Variants in BBS9 observed in about 807,000 individuals in gnomAD.
The protein encoded by BBS9 is protein PTHB1.
A neutral mutation model predicts 117.7 loss-of-function variants in BBS9; 89 were observed. That is an observed-to-expected ratio of 0.76 (90% confidence interval 0.64 to 0.90). BBS9 has a LOEUF of 0.90. Among genes scored for constraint, BBS9 ranks in the 40% least tolerant of loss-of-function variants. The pLI is 0.00. For missense variants in BBS9, 982 were observed against 1,042.2 expected, an observed-to-expected ratio of 0.94 and a Z score of 0.80; for synonymous variants, 379 against 370.9, an observed-to-expected ratio of 1.02 and a Z score of -0.25.
intron 21 of BBS9, among the ~76,000 whole-genome samples, chr7:33,578,089 G>A (rs897447696): frequency 2.0e-5 from 3 of 151,970 alleles, no homozygotes; most frequent in Admixed American, 1.3e-4. Context: ...TCTGAAAATT[G>A]GATTCAGACA....
chr7:33,351,267 G>A lies in BBS9; in HGVS notation c.1481G>A (p.Ser494Asn), dbSNP rs775868685. The part of the protein sequence containing the change: ...TVSFSVYLKR[S>N]YTPSELEGNA... ...AGCTTTTCTGTTTATCTGAAAAGAA[G>A]TTATACACCATCAGAATTGGAAGGA... Residue 494 changes from serine to asparagine, a missense_variant, in exon 14 of 23, where the codon AGT (serine) becomes AAT (asparagine). Physicochemically the swap from Ser to Asn is conservative, Grantham distance 46. Transcript: ENST00000242067. The A allele has an allele frequency of 3.7e-6, 6 of 1,613,266 alleles. No homozygotes were observed. The African/African-American group carries it at 5.3e-5, about 14-fold the overall frequency.
intron 19 of BBS9, among the ~76,000 whole-genome samples, chr7:33,403,065 A>G (rs998445843): frequency 3.3e-5 from 5 of 151,946 alleles, no homozygotes; most frequent in South Asian, 2.1e-4. Context: ...GTGTTTATAT[A>G]CCATAATTCC....
At chr7:33,414,420 G>C (rs764133498) in intron 19 of BBS9, among the ~76,000 whole-genome samples, 1 of 152,008 alleles carries the variant, frequency 6.6e-6, no homozygotes, top group African/African-American at 2.4e-5. Context: ...TATTATCATT[G>C]TAGAAAATTT....
intron 21 of BBS9, among the ~76,000 whole-genome samples, chr7:33,544,138 T>C (rs1852869539): frequency 6.6e-6 from 1 of 152,220 alleles, no homozygotes; most frequent in African/African-American, 2.4e-5. Flanking sequence ...GCCTTGGGCT[T>C]TGTCTTTCTC....
chr7:33,277,738 A>G (rs1273501546), intron 9 of BBS9, among the ~76,000 whole-genome samples: 2 of 152,082 alleles, frequency 1.3e-5, no homozygotes, highest in Non-Finnish European at 2.9e-5. Context: ...ATGCTGAATC[A>G]CTTCTGGGAG....
chr7:33,475,612 A>G (rs10235126), intron 19 of BBS9, among the ~76,000 whole-genome samples: 16,068 of 152,070 alleles, frequency 0.11, 908 homozygotes, highest in South Asian at 0.19. Flanking sequence ...CGAGAAAAAA[A>G]AAAAAGTTTG....
intron 19 of BBS9, among the ~76,000 whole-genome samples, chr7:33,423,048 G>A (rs1359798942): frequency 6.6e-6 from 1 of 152,134 alleles, no homozygotes; most frequent in Non-Finnish European, 1.5e-5. Flanking sequence ...TTCCAAACAG[G>A]CCAGGACAGT....
At chr7:33,197,477 C>G (rs1785133358) in intron 5 of BBS9, among the ~76,000 whole-genome samples, 1 of 152,022 alleles carries the variant, frequency 6.6e-6, no homozygotes, top group Non-Finnish European at 1.5e-5. Flanking sequence ...TTCAGCCACC[C>G]TTTTCCAGTC....
At chr7:33,445,076 G>A (rs569324943) in intron 19 of BBS9, among the ~76,000 whole-genome samples, 2 of 152,222 alleles carry the variant, frequency 1.3e-5, no homozygotes, top group East Asian at 3.9e-4. Flanking sequence ...AGAGGAAGAA[G>A]AAGAGGAACA....
intron 10 of BBS9, among the ~76,000 whole-genome samples, chr7:33,337,603 T>G (rs1437111246): frequency 1.3e-5 from 2 of 152,118 alleles, no homozygotes; most frequent in African/African-American, 4.8e-5. Context: ...TTTTAGAAAG[T>G]TTTGAAAGTA....
At chr7:33,203,746 A>G (rs2128215107) in intron 5 of BBS9, among the ~76,000 whole-genome samples, 1 of 43,958 alleles carries the variant, frequency 2.3e-5, no homozygotes, top group Admixed American at 2.1e-4. Flanking sequence ...TTCTTGAGAC[A>G]GAGTCTTGCT....
intron 19 of BBS9, among the ~76,000 whole-genome samples, chr7:33,473,433 C>T (rs1841367719): frequency 6.6e-6 from 1 of 151,124 alleles, no homozygotes; most frequent in African/African-American, 2.4e-5. Flanking sequence ...AAGCAGTTCT[C>T]CTGCCTCAGC....
At chr7:33,174,049 C>T (rs1465447545) in intron 4 of BBS9, among the ~76,000 whole-genome samples, 2 of 152,146 alleles carry the variant, frequency 1.3e-5, no homozygotes, top group East Asian at 3.9e-4. Context: ...TTACTGGATA[C>T]AAGACAGTTA....
chr7:33,235,896 C>T (rs1269501931), intron 5 of BBS9, among the ~76,000 whole-genome samples: 1 of 152,066 alleles, frequency 6.6e-6, no homozygotes, highest in Non-Finnish European at 1.5e-5. Context: ...TTCACTTTGT[C>T]TGACAAGAAA....
At chr7:33,619,113 C>T (rs1298459554) in intron 21 of BBS9, among the ~76,000 whole-genome samples, 1 of 151,996 alleles carries the variant, frequency 6.6e-6, no homozygotes, top group Non-Finnish European at 1.5e-5. Context: ...AAGAGATTCA[C>T]TTTACCTTTA....
At chr7:33,255,124 C>T (rs2128308334) in intron 5 of BBS9, among the ~76,000 whole-genome samples, 1 of 152,096 alleles carries the variant, frequency 6.6e-6, no homozygotes, top group Admixed American at 6.5e-5. Flanking sequence ...TGATTGTTTT[C>T]TTTGCTGTGC....
chr7:33,312,600 T>C (rs1809523154), intron 9 of BBS9, among the ~76,000 whole-genome samples: 1 of 152,188 alleles, frequency 6.6e-6, no homozygotes, highest in Admixed American at 6.5e-5. Context: ...TTATGCACCT[T>C]TCATTTTTAT....
chr7:33,428,180 A>G (rs1833913263), intron 19 of BBS9, among the ~76,000 whole-genome samples: 1 of 152,180 alleles, frequency 6.6e-6, no homozygotes, highest in African/African-American at 2.4e-5. Context: ...GTCATAGAAA[A>G]ACAGGGTGTG....
intron 5 of BBS9, among the ~76,000 whole-genome samples, chr7:33,184,247 G>A (rs150333386): frequency 7.2e-5 from 11 of 152,260 alleles, no homozygotes; most frequent in African/African-American, 2.4e-4. Flanking sequence ...TCAGGTGGTT[G>A]CTTGTAATTT....
Sources: allele counts gnomAD v4.1 joint callset (sites outside exome capture counted in the v4.1 genomes callset), GRCh38; gene constraint gnomAD v4.1.1; transcripts MANE v1.5; gene names NCBI Gene and HGNC (gene_info 2026-07-23, HGNC 2026-07-21).